Variants in CACNA1B observed in about 807,000 individuals in gnomAD.
CACNA1B encodes calcium voltage-gated channel subunit alpha1 B.
CACNA1B carries 70 observed loss-of-function variants against 247.2 expected under a neutral mutation model. That is an observed-to-expected ratio of 0.28 (90% CI 0.23 to 0.35). The LOEUF (loss-of-function observed/expected upper bound fraction) is 0.35. CACNA1B is among the 10% of genes least tolerant of loss of function. CACNA1B has a pLI of 1.00. For synonymous variants in CACNA1B, 1,231 were observed against 1,294.4 expected (o/e 0.95, Z 1.05); for missense variants, 2,367 against 3,197.4 (o/e 0.74, Z 6.26).
intron 18 of CACNA1B, among the ~76,000 whole-genome samples, chr9:138,015,622 C>T (rs1175092606): frequency 6.6e-6 from 1 of 152,218 alleles, no homozygotes; most frequent in Non-Finnish European, 1.5e-5. Context: ...CAATGCCGGG[C>T]TTGGTGCCCT....
In CACNA1B at chr9:138,022,867, C is replaced by T. The variant is rs1031960700; in HGVS notation, c.2268-144C>T. ...TGGGCGTTCCCCACCTGATCCGCGT[C>T]CCCCGAGGGGTGTGGGGGCTCCCGC... On this transcript the variant is annotated intron_variant, in intron 18 of 46. Coordinates refer to ENST00000371372, the MANE Select transcript of CACNA1B (RefSeq NM_000718.4). 14 of 1,120,110 alleles carry T rather than the reference C, an allele frequency of 1.2e-5. 1 individual carries two copies. The African/African-American group carries it at 1.5e-4, about 12-fold the overall frequency. The allele number at this position is 1,120,110 out of a possible 1,614,324, so 69.4% of individuals were successfully genotyped here.
At position 138,121,871 on chromosome 9, in the gene CACNA1B, T is replaced by C. The variant is rs748408474; in HGVS notation, c.6892T>C (p.Ser2298Pro). The change falls in exon 47 of 47, where the codon TCC (serine) becomes CCC (proline). Residue 2298 changes from serine (S) to proline (P), a missense_variant. By Grantham distance (74) the Ser-to-Pro change is moderately conservative. Coordinates refer to ENST00000371372, the MANE Select transcript of CACNA1B (RefSeq NM_000718.4). This position sits in a 1 kb window ranked among gnomAD's most constrained non-coding sequence, Gnocchi z 6.8. ...SGRSSRTSYV[S>P]SLTSQSHPLR... Reference sequence around the variant, plus strand: ...CCGCTCCTCCAGGACTTCCTACGTGTCCTCCCTGACCTCCCAGTCTCACCC... The same window carrying C: ...CCGCTCCTCCAGGACTTCCTACGTGCCCTCCCTGACCTCCCAGTCTCACCC... The C allele has an allele frequency of 1.2e-6, 2 of 1,613,270 alleles. No individual in the cohort carries two copies. The highest frequency in any genetic ancestry group is 1.7e-6 in the Non-Finnish European group (2 of 1,179,872).
At chr9:138,056,388 C>T (rs953071812) in intron 26 of CACNA1B, among the ~76,000 whole-genome samples, 4 of 152,202 alleles carry the variant, frequency 2.6e-5, no homozygotes, top group Admixed American at 6.5e-5. Context: ...GGTTTGTCCA[C>T]GCAGTGGCTT....
intron 19 of CACNA1B, among the ~76,000 whole-genome samples, chr9:138,024,358 CCAAGACCAGCAGTCGCCAGGT>C (rs1056685229): frequency 4.6e-5 from 7 of 152,130 alleles, no homozygotes; most frequent in African/African-American, 1.4e-4. Flanking sequence ...GGTCCAGTGG[CCAAGACCAGCAGTCGCCAGGT>C]ACCCACTGGC....
At position 137,930,214 on chromosome 9, in the gene CACNA1B, T is replaced by C. The variant is rs76237626; in HGVS notation, c.966+12783T>C. 0.012 allele frequency among the ~76,000 whole-genome samples: 1,757 copies of C among 152,366 alleles called. 113 individuals are homozygous for C. The East Asian group carries it at 0.19, about 17-fold the overall frequency. On this transcript the variant is annotated intron_variant, in intron 6 of 46. Transcript: ENST00000371372. Reference sequence around the variant, plus strand: ...GATGATTATTTAGACTTCCTTCTTTTGTGAGGTGGACATGTAGGTCTATAT... The same window carrying C: ...GATGATTATTTAGACTTCCTTCTTTCGTGAGGTGGACATGTAGGTCTATAT...
rs941749369 is a variant in CACNA1B, at chr9:138,010,482, T to C, written c.2160+405T>C. On this transcript the variant is annotated intron_variant, in intron 17 of 46. Coordinates refer to ENST00000371372, the MANE Select transcript of CACNA1B (RefSeq NM_000718.4). The surrounding 1 kb of genome is among the most constrained non-coding windows in gnomAD (Gnocchi z 5.3). ...TCTCATCCCTGAGCCTGGTGGGGGA[T>C]GCAATTGTACATGTCTCCCTCTGTG... 7.9e-5 allele frequency among the ~76,000 whole-genome samples: 12 copies of C among 152,158 alleles called. No individual in the cohort carries two copies. The highest frequency in any genetic ancestry group is 3.3e-4 in the Admixed American group (5 of 15,286).
Position 137,906,594 on chromosome 9 carries a change from C to A in CACNA1B, c.531-6586C>A, listed in dbSNP as rs553280725. 4.6e-5 allele frequency among the ~76,000 whole-genome samples: 7 copies of A among 151,638 alleles called. No individual in the cohort carries two copies. The South Asian group carries it at 1.3e-3, about 27-fold the overall frequency. ...ATTTAACATATGTGTGTCTCTGCATCCCTGTGTGATGTCTTAACATACATG... is the reference window on the plus strand; with the variant it reads ...ATTTAACATATGTGTGTCTCTGCATACCTGTGTGATGTCTTAACATACATG... On this transcript the variant is annotated intron_variant, in intron 3 of 46. Transcript: ENST00000371372.
chr9:138,025,102 A>G lies in CACNA1B; in HGVS notation c.3216A>G (p.Pro1072=), dbSNP rs1958904741. Residue 1072 remains proline, a synonymous_variant, in exon 20 of 47, where the codon CCA becomes CCG. Transcript: ENST00000371372. ...TCACTCGCATGGGCAGTCAGCCCCCAGACCCGAACACTATTGTACATATCC... is the reference window on the plus strand; with the variant it reads ...TCACTCGCATGGGCAGTCAGCCCCCGGACCCGAACACTATTGTACATATCC... ...RNVTRMGSQP[P]DPNTIVHIPV... 6.2e-7 allele frequency: 1 copy of G among 1,613,454 alleles called. No homozygotes were observed. The highest frequency in any genetic ancestry group is 1.1e-5 in the South Asian group (1 of 90,900).
intron 10 of CACNA1B, among the ~76,000 whole-genome samples, chr9:137,964,800 T>C (rs1052120854): frequency 2.0e-5 from 3 of 152,252 alleles, no homozygotes; most frequent in African/African-American, 7.2e-5. Flanking sequence ...GTTTTAAGCA[T>C]TTTTGTGTTG....
intron 3 of CACNA1B, among the ~76,000 whole-genome samples, chr9:137,894,874 T>C (rs1426146863): frequency 5.9e-5 from 9 of 152,232 alleles, no homozygotes; most frequent in African/African-American, 2.2e-4. Context: ...AGCAAAACTT[T>C]TAAATTTTGA....
intron 3 of CACNA1B, among the ~76,000 whole-genome samples, chr9:137,904,320 A>G (rs1588994934): frequency 7.6e-6 from 1 of 131,590 alleles, no homozygotes; most frequent in African/African-American, 2.8e-5. Context: ...CAAAATATGT[A>G]TATATATTTT....
intron 21 of CACNA1B, among the ~76,000 whole-genome samples, chr9:138,046,337 G>A (rs1191325914): frequency 6.6e-6 from 1 of 152,200 alleles, no homozygotes. Flanking sequence ...GCGTGTTCAC[G>A]TGGAGCGTGT....
intron 36 of CACNA1B, 24 bp downstream of exon 36, chr9:138,078,282 T>C: frequency 6.2e-7 from 1 of 1,609,404 alleles, no homozygotes. Flanking sequence ...ACTGTGCCCC[T>C]CCCAGTGCCA....
chr9:138,112,404 C>G lies in CACNA1B; in HGVS notation c.5435C>G (p.Thr1812Arg). 1 of 1,612,050 alleles carries G rather than the reference C, an allele frequency of 6.2e-7. No homozygotes were observed. Among genetic ancestry groups the G allele is most frequent in the Non-Finnish European group, 8.5e-7 (1 of 1,178,096 alleles). The change falls in exon 40 of 47, where the codon ACA becomes AGA. Residue 1812 changes from threonine to arginine, a missense_variant. Thr to Arg is a moderately conservative substitution (Grantham distance 71, BLOSUM62 -1). Transcript: ENST00000371372. Reference sequence around the variant, plus strand: ...CACCATCATCCTGGTGCAGCTGGGACAAAGCAGCATCAGTGTGACGCGGAG... The same window carrying G: ...CACCATCATCCTGGTGCAGCTGGGAGAAAGCAGCATCAGTGTGACGCGGAG... ...ALEIKLAPAG[T>R]KQHQCDAELR...
Position 137,937,720 on chromosome 9 carries a change from C to T in CACNA1B, c.967-14554C>T, listed in dbSNP as rs576274183. The stretch of plus-strand genomic sequence containing the variant: ...CAGCACTTTGGGAGGCCAAGGTGGG[C>T]GGATCACCTGAGGTTGGGAGTTTGT... On this transcript the variant is annotated intron_variant, in intron 6 of 46. Coordinates refer to ENST00000371372, the MANE Select transcript of CACNA1B (RefSeq NM_000718.4). 4.0e-5 allele frequency among the ~76,000 whole-genome samples: 6 copies of T among 151,848 alleles called. No individual in the cohort carries two copies. The South Asian group carries it at 6.3e-4, about 16-fold the overall frequency.
intron 10 of CACNA1B, among the ~76,000 whole-genome samples, chr9:137,969,694 C>T (rs566537850): frequency 1.2e-4 from 18 of 152,284 alleles, no homozygotes; most frequent in African/African-American, 4.1e-4. Context: ...CTCATTGGAT[C>T]TTCAAAAGTG....
At position 138,057,139 on chromosome 9, in the gene CACNA1B, A is replaced by G. The variant is rs1959537414; in HGVS notation, c.3969-593A>G. On this transcript the variant is annotated intron_variant, in intron 26 of 46. Coordinates refer to ENST00000371372, the MANE Select transcript of CACNA1B (RefSeq NM_000718.4). This position sits in a 1 kb window ranked among gnomAD's most constrained non-coding sequence, Gnocchi z 4.0. ...TTTTTAGTAGAGACGGGGGTTCACC[A>G]TGTTAGCCAGGATGGTCTCCATCTC... is the stretch of plus-strand genomic sequence containing the variant. Among the ~76,000 whole-genome samples the G allele has an allele frequency of 6.6e-6, 1 of 151,602 alleles. No individual in the cohort carries two copies. Among genetic ancestry groups the G allele is most frequent in the Admixed American group, 6.6e-5 (1 of 15,246 alleles).
chr9:138,053,902 C>T lies in CACNA1B; in HGVS notation c.3864C>T (p.Val1288=), dbSNP rs755935267. ...AGAATGTCCTCAACATCTTGATTGT[C>T]TACATGCTCTTCATGTTCATATTTG... is the stretch of plus-strand genomic sequence containing the variant. ...SLKNVLNILI[V]YMLFMFIFAV... is the part of the protein sequence containing the mutation. The change falls in exon 26 of 47, where the codon GTC becomes GTT. Residue 1288 remains valine (V), a synonymous_variant. Coordinates refer to ENST00000371372, the MANE Select transcript of CACNA1B (RefSeq NM_000718.4). The T allele has an allele frequency of 6.2e-7, 1 of 1,612,630 alleles. No individual in the cohort carries two copies. The highest frequency in any genetic ancestry group is 1.1e-5 in the South Asian group (1 of 91,058).
chr9:138,002,904 G>A lies in CACNA1B; in HGVS notation c.1975-3863G>A, dbSNP rs187415164. 2.7e-3 allele frequency among the ~76,000 whole-genome samples: 410 copies of A among 151,436 alleles called. 6 individuals carry two copies. The East Asian group carries it at 0.041, about 15-fold the overall frequency. ...TAACCTCCGCCTCCCGGGTTCAAGC[G>A]ATTTTTCTGCCTCAGCCTCCCGAAT... is the stretch of plus-strand genomic sequence containing the variant. On this transcript the variant is annotated intron_variant, in intron 15 of 46. Coordinates refer to ENST00000371372, the MANE Select transcript of CACNA1B (RefSeq NM_000718.4).
Sources: allele counts gnomAD v4.1 joint callset (sites outside exome capture counted in the v4.1 genomes callset), GRCh38; gene constraint gnomAD v4.1.1; non-coding constraint Gnocchi (gnomAD v3.1); transcripts MANE v1.5; gene names NCBI Gene and HGNC (gene_info 2026-07-23, HGNC 2026-07-21).